The following DENND4C variants were observed in gnomAD, a reference collection of about 807,000 sequenced individuals.
DENND4C encodes DENN domain containing 4C.
In DENND4C, 108 loss-of-function variants were observed where a neutral mutation model predicts 203.0. That is an observed-to-expected ratio of 0.53 (90% CI 0.46 to 0.62). DENND4C has a LOEUF of 0.62. Ranked by LOEUF, DENND4C falls within the 20% of genes least tolerant of loss-of-function variation. The probability of loss-of-function intolerance (pLI) is 0.00; values close to 1 mark genes in which losing one functional copy is unlikely to be tolerated. For missense variants in DENND4C, 2,481 were observed against 2,301.2 expected (o/e 1.08, Z -1.60); for synonymous variants, 871 against 792.4 (o/e 1.10, Z -1.67).
intron 1 of DENND4C, among the ~76,000 whole-genome samples, chr9:19,237,711 T>C (rs1359730631): frequency 6.6e-6 from 1 of 152,218 alleles, no homozygotes; most frequent in East Asian, 1.9e-4. Context: ...TACTTACTCA[T>C]TTCCAATCTG....
At chr9:19,296,378 T>C in intron 6 of DENND4C, 132 bp downstream of exon 6, 1 of 687,740 alleles carries the variant, frequency 1.5e-6, no homozygotes, top group Non-Finnish European at 2.4e-6. Context: ...TTTTTTTTTT[T>C]TTTTGAGATG....
At chr9:19,331,415 C>G (rs7851119) in intron 16 of DENND4C, among the ~76,000 whole-genome samples, 1 of 152,034 alleles carries the variant, frequency 6.6e-6, no homozygotes, top group African/African-American at 2.4e-5. Context: ...GTTGGCCAGG[C>G]TGGTCTTGAT....
At chr9:19,336,197 A>G in intron 18 of DENND4C, 73 bp from the exon 19 acceptor site, 2 of 1,375,456 alleles carry the variant, frequency 1.5e-6, no homozygotes, top group Non-Finnish European at 2.0e-6. Context: ...ACATACACAC[A>G]CACATATATG....
intron 1 of DENND4C, among the ~76,000 whole-genome samples, chr9:19,274,636 G>T (rs1243151944): frequency 1.3e-5 from 2 of 152,082 alleles, no homozygotes; most frequent in African/African-American, 4.8e-5. Flanking sequence ...TGGTTTTATT[G>T]GTTGTTGTTT....
At chr9:19,315,932 G>A (rs2131550361) in intron 10 of DENND4C, among the ~76,000 whole-genome samples, 1 of 151,914 alleles carries the variant, frequency 6.6e-6, no homozygotes, top group East Asian at 1.9e-4. Context: ...TCTGGCTTTG[G>A]TTTTTATTGT....
In DENND4C at chr9:19,296,053, C is replaced by T. The variant is rs773754005; in HGVS notation, c.847C>T (p.Leu283Phe). Residue 283 changes from leucine (L) to phenylalanine (F), a missense_variant, in exon 6 of 33, where the codon CTT becomes TTT. Around this residue, in one of 3 missense-constraint regions of DENND4C, gnomAD observed 2,289 missense variants for 2,113.3 expected, o/e 1.08. Transcript: ENST00000434457. The stretch of plus-strand genomic sequence containing the variant: ...GTTTTATGAACCTTACTCTCGGGAA[C>T]TTCTATCAGAGAAACAGCTTATGCA... The part of the protein sequence containing the change: ...IQFYEPYSRE[L>F]LSEKQLMHLG... 1 of 1,613,974 alleles carries T rather than the reference C, an allele frequency of 6.2e-7. No homozygotes were observed. Among genetic ancestry groups the T allele is most frequent in the African/African-American group, 1.3e-5 (1 of 74,916 alleles).
At chr9:19,262,073 G>GT (rs1564096927) in intron 1 of DENND4C, among the ~76,000 whole-genome samples, 6 of 73,936 alleles carry the variant, frequency 8.1e-5, no homozygotes, top group African/African-American at 2.7e-4. Context: ...GAATTTATTA[G>GT]TTCTTTTTTT....
chr9:19,366,553 A>G (rs918881955), intron 30 of DENND4C, among the ~76,000 whole-genome samples: 1 of 152,122 alleles, frequency 6.6e-6, no homozygotes, highest in East Asian at 1.9e-4. Context: ...GCAGTGAGCC[A>G]AGATTGCGCC....
intron 22 of DENND4C, among the ~76,000 whole-genome samples, chr9:19,344,479 C>CA (rs1822359879): frequency 6.6e-6 from 1 of 152,114 alleles, no homozygotes; most frequent in South Asian, 2.1e-4. Context: ...CCCTAGGTGA[C>CA]AGAGCAAGAC....
At chr9:19,332,693 C>A (rs1386759590) in intron 17 of DENND4C, among the ~76,000 whole-genome samples, 1 of 149,432 alleles carries the variant, frequency 6.7e-6, no homozygotes, top group Non-Finnish European at 1.5e-5. Context: ...GATGGAGTCT[C>A]ACTCCTCTCT....
At chr9:19,315,659 A>C (rs1461221332) in intron 10 of DENND4C, among the ~76,000 whole-genome samples, 1 of 150,988 alleles carries the variant, frequency 6.6e-6, no homozygotes, top group Non-Finnish European at 1.5e-5. Flanking sequence ...TTGGAAAAAG[A>C]AGCTTTTAGT....
intron 26 of DENND4C, among the ~76,000 whole-genome samples, 162 bp from the exon 27 acceptor site, chr9:19,356,810 A>AGAGAGAGAGAGAGAGAGAGAGAGAGT (rs1447525810): frequency 3.7e-3 from 549 of 146,424 alleles, no homozygotes; most frequent in Non-Finnish European, 5.3e-3. Context: ...AGAGAGAGAG[A>AGAGAGAGAGAGAGAGAGAGAGAGAGT]GAGAGAGTGA....
At chr9:19,319,791 C>T (rs549165189) in intron 12 of DENND4C, among the ~76,000 whole-genome samples, 128 of 151,926 alleles carry the variant, frequency 8.4e-4, no homozygotes, top group Non-Finnish European at 1.6e-3. Context: ...AAGTGTGTTT[C>T]GAAGGAAAGT....
chr9:19,258,407 A>T (rs1828515510), intron 1 of DENND4C, among the ~76,000 whole-genome samples: 1 of 152,342 alleles, frequency 6.6e-6, no homozygotes, highest in South Asian at 2.1e-4. Context: ...GGAAAACTAT[A>T]TGCCAGTATT....
At chr9:19,248,637 G>T (rs183495043) in intron 1 of DENND4C, among the ~76,000 whole-genome samples, 1 of 152,092 alleles carries the variant, frequency 6.6e-6, no homozygotes, top group East Asian at 1.9e-4. Flanking sequence ...TGATCTGCCC[G>T]CCTCAGCTTC....
Position 19,371,777 on chromosome 9 carries a change from CTTCTT to C in DENND4C, c.5698_5702del (p.Phe1900IlefsTer11). The C allele has an allele frequency of 6.8e-7, 1 of 1,461,858 alleles. No individual in the cohort carries two copies. Among genetic ancestry groups the C allele is most frequent in the Non-Finnish European group, 9.5e-7 (1 of 1,054,116 alleles). 90.6% of individuals were successfully genotyped at this position (1,461,858 alleles called of 1,614,324 possible). ...ATAGGAGTTTATACAGAGAAATCCT[CTTCTT>C]ATCATTAGTGTCTCTAGGAAGAGAG... is the stretch of plus-strand genomic sequence containing the variant. On this transcript the variant is annotated frameshift_variant, in exon 32 of 33. Coordinates refer to ENST00000434457, the MANE Select transcript of DENND4C (RefSeq NM_001330640.2). LOFTEE classifies it high-confidence loss of function.
chr9:19,236,725 A>G (rs1192967155), intron 1 of DENND4C, among the ~76,000 whole-genome samples: 1 of 152,178 alleles, frequency 6.6e-6, no homozygotes, highest in Non-Finnish European at 1.5e-5. Context: ...GTTACATAAT[A>G]CAAACATTTC....
chr9:19,230,652 G>A (rs1322348077), upstream of DENND4C: 1 of 152,138 alleles, frequency 6.6e-6, no homozygotes, highest in African/African-American at 2.4e-5. Context: ...GGCTGTAGGC[G>A]GCGCCCCTCG....
At chr9:19,267,797 C>G (rs1333288900) in intron 1 of DENND4C, among the ~76,000 whole-genome samples, 1 of 152,096 alleles carries the variant, frequency 6.6e-6, no homozygotes, top group East Asian at 1.9e-4. Flanking sequence ...CATCAGCCTC[C>G]TAAAGTGCTG....
Sources: gnomAD v4.1 joint callset for allele counts (sites outside exome capture counted in the v4.1 genomes callset) on GRCh38, gnomAD v4.1.1 for gene constraint, gnomAD v4.1.1 regional missense constraint, MANE v1.5 for transcripts, NCBI Gene and HGNC (gene_info 2026-07-23, HGNC 2026-07-21) for gene names.